ABCA9: variants seen among roughly 807,000 people sequenced by gnomAD.
The protein encoded by ABCA9 is ATP-binding cassette sub-family A member 9.
ABCA9 carries 183 observed loss-of-function variants against 205.3 expected under a neutral mutation model. That is an observed-to-expected ratio of 0.89 (90% CI 0.79 to 1.01). The LOEUF is 1.01. Among genes scored for constraint, ABCA9 ranks in the 50% least tolerant of loss-of-function variants. The pLI, the probability that ABCA9 is intolerant of heterozygous loss-of-function variation, is 0.00. For synonymous variants in ABCA9, 651 were observed against 683.3 expected, an observed-to-expected ratio of 0.95 and a Z score of 0.74; for missense variants, 1,805 against 1,912.4, an observed-to-expected ratio of 0.94 and a Z score of 1.05.
At chr17:69,020,285 C>T (rs1236833069) in intron 19 of ABCA9, 103 bp downstream of exon 19, 1 of 1,075,410 alleles carries the variant, frequency 9.3e-7, no homozygotes, top group East Asian at 2.5e-5. Flanking sequence ...AGACAATGTG[C>T]ATTTACTGAA....
intron 30 of ABCA9, 132 bp downstream of exon 30, chr17:68,989,681 T>C: frequency 1.7e-6 from 1 of 590,996 alleles, no homozygotes; most frequent in South Asian, 2.5e-5. Context: ...AACTGAGGCT[T>C]TTAAGCAGGA....
At chr17:69,000,239 C>A (rs2069803007) in intron 25 of ABCA9, among the ~76,000 whole-genome samples, 1 of 151,872 alleles carries the variant, frequency 6.6e-6, no homozygotes, top group African/African-American at 2.4e-5. Context: ...AGGTTTTCTT[C>A]TAGGGTTTTT....
chr17:69,076,238 G>T, the ABCA9 span, among the ~76,000 whole-genome samples: 1 of 152,020 alleles, frequency 6.6e-6, no homozygotes, highest in Non-Finnish European at 1.5e-5. Flanking sequence ...AGGGATGTTG[G>T]ATTTAATCAT....
chr17:69,066,464 G>T, the ABCA9 span, among the ~76,000 whole-genome samples: 3 of 152,086 alleles, frequency 2.0e-5, no homozygotes, highest in African/African-American at 4.8e-5. Flanking sequence ...GTCAAGAAAA[G>T]GTTGTTATTT....
At chr17:69,016,123 TACAC>T (rs145740691) in intron 22 of ABCA9, 126 bp downstream of exon 22, 13,308 of 105,334 alleles carry the variant, frequency 0.13, 340 homozygotes, top group Non-Finnish European at 0.21. Context: ...TATATATATA[TACAC>T]ACACACACAC....
chr17:68,985,379 T>G (rs576340429), intron 32 of ABCA9, among the ~76,000 whole-genome samples: 63 of 152,212 alleles, frequency 4.1e-4, no homozygotes, highest in African/African-American at 1.4e-3. Flanking sequence ...ATCCCAGCAC[T>G]TTGGGAGGCT....
chr17:69,029,293 C>T (rs762105564), intron 10 of ABCA9, 66 bp from the exon 11 acceptor site: 2 of 981,956 alleles, frequency 2.0e-6, no homozygotes, highest in Non-Finnish European at 3.0e-6. Context: ...TAAGTCAAGT[C>T]TTTGAGGCTT....
chr17:69,015,846 C>T (rs2070574881), intron 22 of ABCA9, among the ~76,000 whole-genome samples: 1 of 152,012 alleles, frequency 6.6e-6, no homozygotes, highest in African/African-American at 2.4e-5. Context: ...CAATGTCCCA[C>T]TACCTAGGGC....
intron 36 of ABCA9, among the ~76,000 whole-genome samples, chr17:68,983,108 G>A (rs1198363901): frequency 1.3e-5 from 2 of 152,198 alleles, no homozygotes; most frequent in Non-Finnish European, 2.9e-5. Context: ...TAATGTAAGT[G>A]CTCTTTGATC....
chr17:69,031,970 C>T, intron 10 of ABCA9, 138 bp downstream of exon 10: 1 of 667,740 alleles, frequency 1.5e-6, no homozygotes. Flanking sequence ...ATGAGTATAG[C>T]CTTTGATGAG....
At chr17:69,062,808 C>T (rs867256796), upstream of ABCA9, among the ~76,000 whole-genome samples, 2 of 152,042 alleles carry the variant, frequency 1.3e-5, no homozygotes, top group Non-Finnish European at 2.9e-5. Context: ...CCACTGCGCC[C>T]GACGTATTTA....
intron 2 of ABCA9, among the ~76,000 whole-genome samples, chr17:69,049,880 T>C (rs925984245): frequency 1.3e-5 from 2 of 152,148 alleles, no homozygotes; most frequent in African/African-American, 4.8e-5. Flanking sequence ...CAAGATCATA[T>C]CATATTTTTA....
chr17:69,030,783 T>C (rs1468052986), intron 10 of ABCA9, among the ~76,000 whole-genome samples: 1 of 152,232 alleles, frequency 6.6e-6, no homozygotes, highest in Non-Finnish European at 1.5e-5. Flanking sequence ...CCATATGTTT[T>C]GATAGCATTT....
chr17:69,003,069 C>T (rs1436079417), intron 25 of ABCA9, among the ~76,000 whole-genome samples: 4 of 150,590 alleles, frequency 2.7e-5, no homozygotes, highest in Admixed American at 1.3e-4. Flanking sequence ...GACTCTTTAT[C>T]CAGTTTGCCA....
chr17:68,978,457 A>G (rs1439530725), intron 37 of ABCA9, among the ~76,000 whole-genome samples: 1 of 152,152 alleles, frequency 6.6e-6, no homozygotes, highest in Non-Finnish European at 1.5e-5. Context: ...TGGAGCATTT[A>G]GCCCATTTAC....
At chr17:68,984,848 T>TA (rs756761350) in intron 34 of ABCA9, 37 bp downstream of exon 34, 35 of 1,613,636 alleles carry the variant, frequency 2.2e-5, no homozygotes, top group Admixed American at 5.0e-5. Flanking sequence ...ACAGGATCAA[T>TA]ACACTCATGC....
At position 69,008,055 on chromosome 17, in the gene ABCA9, C is replaced by T. The variant is rs759397768; in HGVS notation, c.3321+7G>A. The T allele has an allele frequency of 6.3e-7, 1 of 1,596,284 alleles. No homozygotes were observed. The highest frequency in any genetic ancestry group is 8.6e-7 in the Non-Finnish European group (1 of 1,169,182). On this transcript the variant is annotated splice_region_variant and intron_variant, in intron 24 of 38. Coordinates refer to ENST00000340001, the MANE Select transcript of ABCA9 (RefSeq NM_080283.4). ...AATAAAACCATTTCAAAATTGCTGC[C>T]ACTTACTTGAATTAACAGGTTTTGA... is the stretch of plus-strand genomic sequence containing the variant.
intron 26 of ABCA9, among the ~76,000 whole-genome samples, chr17:68,994,640 G>T (rs990997246): frequency 6.6e-6 from 1 of 152,110 alleles, no homozygotes; most frequent in Non-Finnish European, 1.5e-5. Context: ...AAAAAAGGTA[G>T]AATCAGTCAG....
chr17:68,981,372 A>T (rs2069047677), intron 37 of ABCA9, among the ~76,000 whole-genome samples: 1 of 152,100 alleles, frequency 6.6e-6, no homozygotes, highest in Non-Finnish European at 1.5e-5. Context: ...AGCCTTTTTT[A>T]AAAAGCCTCT....
Sources: allele counts gnomAD v4.1 joint callset (sites outside exome capture counted in the v4.1 genomes callset), GRCh38; gene constraint gnomAD v4.1.1; transcripts MANE v1.5; gene names NCBI Gene and HGNC (gene_info 2026-07-23, HGNC 2026-07-21).